The following FDCSP variants were observed in gnomAD, a reference collection of about 807,000 sequenced individuals.
The protein encoded by FDCSP is follicular dendritic cell secreted peptide.
Under a neutral mutation model 8.9 loss-of-function variants are expected in FDCSP, and 8 were observed. The observed-to-expected ratio is 0.90, with a 90% CI of 0.53 to 1.63. The LOEUF (loss-of-function observed/expected upper bound fraction) is 1.63, where lower values mean the gene tolerates loss of function less well. Among genes scored for constraint, FDCSP ranks in the 40% most tolerant of loss-of-function variants. The pLI is 0.00. For missense variants in FDCSP, 101 were observed against 103.6 expected, an observed-to-expected ratio of 0.98 and a Z score of 0.11; for synonymous variants, 34 against 34.5, an observed-to-expected ratio of 0.98 and a Z score of 0.06.
intron 2 of FDCSP, among the ~76,000 whole-genome samples, chr4:70,231,890 A>G (rs1219023969): frequency 6.6e-6 from 1 of 151,638 alleles, no homozygotes; most frequent in Non-Finnish European, 1.5e-5. Context: ...GACATTGATG[A>G]CCCTGACCCT....
chr4:70,233,880 C>A, intron 3 of FDCSP, 140 bp from the exon 4 acceptor site: 1 of 702,126 alleles, frequency 1.4e-6, no homozygotes, highest in Non-Finnish European at 2.3e-6. Flanking sequence ...GTCCATAGTA[C>A]ACACAGAAAG....
chr4:70,234,338 A>G (rs1730138638), intron 4 of FDCSP, 123 bp downstream of exon 4: 1 of 768,800 alleles, frequency 1.3e-6, no homozygotes, highest in Non-Finnish European at 2.0e-6. Context: ...GTTTGTTTTA[A>G]TGTTTTTCTC....
intron 2 of FDCSP, among the ~76,000 whole-genome samples, chr4:70,232,132 G>A (rs1730094254): frequency 6.6e-6 from 1 of 151,554 alleles, no homozygotes; most frequent in Admixed American, 6.6e-5. Context: ...TTTTTATAAG[G>A]TTAGTGTAGT....
chr4:70,234,751 G>T (rs536772222), intron 4 of FDCSP, among the ~76,000 whole-genome samples: 1 of 151,310 alleles, frequency 6.6e-6, no homozygotes, highest in Non-Finnish European at 1.5e-5. Flanking sequence ...AAAGTGGATG[G>T]TGTGTCAATT....
intron 3 of FDCSP, 133 bp downstream of exon 3, chr4:70,233,159 C>T (rs1402146326): frequency 3.0e-5 from 20 of 676,098 alleles, no homozygotes; most frequent in Non-Finnish European, 4.6e-5. Context: ...TATTAGCACT[C>T]AACAGAGGTT....
At chr4:70,230,197 C>T (rs1490647529) in intron 1 of FDCSP, among the ~76,000 whole-genome samples, 2 of 151,572 alleles carry the variant, frequency 1.3e-5, no homozygotes, top group Non-Finnish European at 3.0e-5. Context: ...AACTTGATTG[C>T]CTTTCCCAGA....
chr4:70,226,398 T>C (rs1289723342), intron 1 of FDCSP, among the ~76,000 whole-genome samples: 1 of 151,920 alleles, frequency 6.6e-6, no homozygotes, highest in African/African-American at 2.4e-5. Flanking sequence ...ACCACCCTGC[T>C]GTAGTAAATA....
chr4:70,231,099 C>G, intron 1 of FDCSP, 96 bp from the exon 2 acceptor site: 1 of 946,106 alleles, frequency 1.1e-6, no homozygotes, highest in Non-Finnish European at 1.6e-6. Context: ...CGTACTTTAA[C>G]TGGATCTTTT....
In FDCSP at chr4:70,231,179, T is replaced by C; in HGVS notation, c.1-16T>C. 6.3e-7 allele frequency: 1 copy of C among 1,582,326 alleles called. No homozygotes were observed. Among genetic ancestry groups the C allele is most frequent in the Middle Eastern group, 1.7e-4 (1 of 5,928 alleles). On this transcript the variant is annotated splice_polypyrimidine_tract_variant and intron_variant, in intron 1 of 4. Coordinates refer to ENST00000317987, the MANE Select transcript of FDCSP (RefSeq NM_152997.4). ...AATGAAAGTTCTTCTTATTTTTTATTTACTCCATTTTGCAGATGAAGAAAG... is the reference window on the plus strand; with the variant it reads ...AATGAAAGTTCTTCTTATTTTTTATCTACTCCATTTTGCAGATGAAGAAAG...
intron 1 of FDCSP, among the ~76,000 whole-genome samples, chr4:70,227,354 CT>C (rs1730004045): frequency 1.3e-5 from 2 of 151,658 alleles, no homozygotes; most frequent in Admixed American, 6.6e-5. Context: ...TTATCTGGTA[CT>C]TTTTTGAATT....
chr4:70,232,944 G>T (rs1319215097), intron 2 of FDCSP, 50 bp from the exon 3 acceptor site: 2 of 1,446,162 alleles, frequency 1.4e-6, no homozygotes. Context: ...ATATTTATTT[G>T]TGTGTTTTCA....
At chr4:70,232,816 G>T (rs1480126833) in intron 2 of FDCSP, among the ~76,000 whole-genome samples, 178 bp from the exon 3 acceptor site, 1 of 151,542 alleles carries the variant, frequency 6.6e-6, no homozygotes, top group East Asian at 1.9e-4. Context: ...AGCCATTTAA[G>T]AATACATGTT....
intron 1 of FDCSP, among the ~76,000 whole-genome samples, chr4:70,229,567 A>G (rs1730044865): frequency 6.6e-6 from 1 of 151,342 alleles, no homozygotes; most frequent in South Asian, 2.1e-4. Context: ...GAGACATGCG[A>G]CTCTTCCTTT....
Position 70,234,065 on chromosome 4 carries a change from T to C in FDCSP, c.136T>C (p.Tyr46His), listed in dbSNP as rs972121380. The change falls in exon 4 of 5, where the codon TAC becomes CAC. Residue 46 changes from tyrosine (Y) to histidine (H), a missense_variant. Transcript: ENST00000317987. ...AGCTTCAGGGTTTTTTGTGTTCCCT[T>C]ACCCATATCCATTTCGCCCACTTCC... Reference protein sequence around the residue: ...ELASGFFVFPYPYPFRPLPPI... With the variant: ...ELASGFFVFPHPYPFRPLPPI... 5.6e-6 allele frequency: 9 copies of C among 1,610,280 alleles called. No homozygotes were observed. Among genetic ancestry groups the C allele is most frequent in the Non-Finnish European group, 7.6e-6 (9 of 1,177,726 alleles).
chr4:70,226,634 C>A (rs34211101), intron 1 of FDCSP, among the ~76,000 whole-genome samples: 15,900 of 151,896 alleles, frequency 0.1, 911 homozygotes, highest in Non-Finnish European at 0.13. Context: ...TACTTACATT[C>A]CATTCCATAA....
intron 1 of FDCSP, among the ~76,000 whole-genome samples, chr4:70,227,078 A>G (rs903598107): frequency 2.0e-5 from 3 of 151,850 alleles, no homozygotes; most frequent in African/African-American, 7.2e-5. Flanking sequence ...CATTACAGAA[A>G]TATCTGTATC....
At chr4:70,234,358 C>T (rs1730138858) in intron 4 of FDCSP, 143 bp downstream of exon 4, 3 of 649,434 alleles carry the variant, frequency 4.6e-6, no homozygotes, top group Non-Finnish European at 7.6e-6. Flanking sequence ...CTGGTAGATA[C>T]TGTCACGTGT....
intron 1 of FDCSP, among the ~76,000 whole-genome samples, chr4:70,226,799 G>C (rs1159176870): frequency 6.6e-6 from 1 of 151,474 alleles, no homozygotes; most frequent in Admixed American, 6.6e-5. Flanking sequence ...GACTTGATAA[G>C]TATAAAAATA....
At chr4:70,227,772 C>T (rs1041253259) in intron 1 of FDCSP, among the ~76,000 whole-genome samples, 2 of 151,610 alleles carry the variant, frequency 1.3e-5, no homozygotes, top group African/African-American at 4.8e-5. Flanking sequence ...TCCCAGTGTA[C>T]ATAAAAGTTA....
Sources: allele counts gnomAD v4.1 joint callset (sites outside exome capture counted in the v4.1 genomes callset), GRCh38; gene constraint gnomAD v4.1.1; transcripts MANE v1.5; gene names NCBI Gene and HGNC (gene_info 2026-07-23, HGNC 2026-07-21).